COL24A1: variants seen among roughly 807,000 people sequenced by gnomAD.
COL24A1 encodes collagen type XXIV alpha 1 chain.
Under a neutral mutation model 253.9 loss-of-function variants are expected in COL24A1, and 224 were observed. The ratio of observed to expected loss-of-function variants is 0.88; its 90% CI spans 0.79 to 0.99. COL24A1 has a LOEUF of 0.99. Ranked by LOEUF, COL24A1 falls within the 50% of genes least tolerant of loss-of-function variation. COL24A1 has a pLI of 0.00. For synonymous variants in COL24A1, 685 were observed against 673.7 expected (o/e 1.02, Z -0.26); for missense variants, 2,131 against 2,068.5 (o/e 1.03, Z -0.59).
chr1:86,052,184 T>C (rs1700361093), intron 10 of COL24A1, among the ~76,000 whole-genome samples: 1 of 152,110 alleles, frequency 6.6e-6, no homozygotes, highest in Non-Finnish European at 1.5e-5. Context: ...AATAAAGGTT[T>C]CTTATTTTGA....
intron 7 of COL24A1, among the ~76,000 whole-genome samples, chr1:86,064,251 CAA>C (rs970922104): frequency 2.6e-5 from 4 of 152,010 alleles, no homozygotes; most frequent in Non-Finnish European, 5.9e-5. Context: ...TGAGGTAACT[CAA>C]AAAATCATGA....
At chr1:86,028,049 C>T (rs184402759) in intron 14 of COL24A1, among the ~76,000 whole-genome samples, 10 of 152,206 alleles carry the variant, frequency 6.6e-5, no homozygotes, top group Admixed American at 6.5e-4. Context: ...TTGTTTTGGC[C>T]AATATCTCCT....
In COL24A1 at chr1:86,055,342, C is replaced by T. The variant is rs1571762851; in HGVS notation, c.1851+2589G>A. Among the ~76,000 whole-genome samples the T allele has an allele frequency of 2.6e-5, 4 of 152,254 alleles. No individual in the cohort carries two copies. In the East Asian group the frequency reaches 7.7e-4, roughly 29 times the overall value. The stretch of plus-strand genomic sequence containing the variant: ...ACCCTTTATGAATGTGAAATTCCCT[C>T]CTTATTCCAATCACACTCCCAAGTG... On this transcript the variant is annotated intron_variant, in intron 10 of 59. Transcript: ENST00000370571.
intron 37 of COL24A1, among the ~76,000 whole-genome samples, chr1:85,858,086 A>T (rs1267085391): frequency 6.6e-6 from 1 of 152,168 alleles, no homozygotes; most frequent in Non-Finnish European, 1.5e-5. Flanking sequence ...ATTATTCACT[A>T]TCACTGTGTT....
chr1:86,003,975 T>A (rs1695689093), intron 19 of COL24A1, among the ~76,000 whole-genome samples: 1 of 152,128 alleles, frequency 6.6e-6, no homozygotes, highest in East Asian at 1.9e-4. Context: ...CTTTGGTCAC[T>A]CCCAGATTGG....
chr1:85,903,173 G>C (rs1157920371), intron 28 of COL24A1, among the ~76,000 whole-genome samples: 2 of 152,168 alleles, frequency 1.3e-5, no homozygotes, highest in African/African-American at 4.8e-5. Flanking sequence ...CCACAGTGAT[G>C]ATAACCACAT....
At chr1:85,891,217 ATTTTTTTTTT>A (rs138122213) in intron 31 of COL24A1, among the ~76,000 whole-genome samples, 1 of 127,108 alleles carries the variant, frequency 7.9e-6, no homozygotes, top group Non-Finnish European at 1.7e-5. Flanking sequence ...CGCCCGGCTA[ATTTTTTTTTT>A]TTTTTTTTTT....
At chr1:86,019,664 C>A (rs1383033961) in intron 18 of COL24A1, among the ~76,000 whole-genome samples, 1 of 151,972 alleles carries the variant, frequency 6.6e-6, no homozygotes, top group African/African-American at 2.4e-5. Context: ...GAATGCTTAT[C>A]TTATCTTCGG....
chr1:85,890,285 G>A (rs1353443725), intron 31 of COL24A1, among the ~76,000 whole-genome samples: 1 of 152,014 alleles, frequency 6.6e-6, no homozygotes, highest in Non-Finnish European at 1.5e-5. Context: ...TAGATCATAT[G>A]GTAATTCTCT....
intron 27 of COL24A1, 130 bp from the exon 28 acceptor site, chr1:85,907,377 A>C: frequency 1.5e-6 from 1 of 688,512 alleles, no homozygotes; most frequent in Non-Finnish European, 2.4e-6. Flanking sequence ...TTCCTTAAAA[A>C]TATGCTTTAA....
At position 85,847,739 on chromosome 1, in the gene COL24A1, C is replaced by A. The variant is rs756403271; in HGVS notation, c.3388G>T (p.Val1130Phe). The change falls in exon 39 of 60, where the codon GTT becomes TTT. Residue 1130 changes from valine to phenylalanine, a missense_variant. Physicochemically the swap from Val to Phe is conservative, Grantham distance 50 (BLOSUM62 -1). Coordinates refer to ENST00000370571, the MANE Select transcript of COL24A1 (RefSeq NM_152890.7). ...DKGQIGPTGE[V>F]GSRGPPGKIG... ...TTTCCAGGAGGACCTCTGCTTCCAA[C>A]TTCTCCTGTGGGTCCTATTTGTCCT... 5.6e-6 allele frequency: 9 copies of A among 1,613,924 alleles called. No homozygotes were observed. Among genetic ancestry groups the A allele is most frequent in the Non-Finnish European group, 5.9e-6 (7 of 1,179,880 alleles).
intron 45 of COL24A1, 54 bp from the exon 46 acceptor site, chr1:85,818,141 A>C (rs1673238950): frequency 6.9e-7 from 1 of 1,456,016 alleles, no homozygotes; most frequent in Non-Finnish European, 9.6e-7. Flanking sequence ...ACTTAAACTG[A>C]AGCCATAGAA....
intron 41 of COL24A1, among the ~76,000 whole-genome samples, chr1:85,841,768 A>G (rs1041445559): frequency 6.6e-6 from 1 of 152,118 alleles, no homozygotes; most frequent in African/African-American, 2.4e-5. Flanking sequence ...ACTATAATTA[A>G]TCATTTAATC....
In COL24A1 at chr1:85,905,568, T is replaced by C. The variant is rs139459036; in HGVS notation, c.2778+1626A>G. Among the ~76,000 whole-genome samples the C allele has an allele frequency of 4.4e-3, 666 of 152,190 alleles. 6 individuals are homozygous for C. Among genetic ancestry groups the C allele is most frequent in the African/African-American group, 0.015 (618 of 41,538 alleles). On this transcript the variant is annotated intron_variant, in intron 28 of 59. Coordinates refer to ENST00000370571, the MANE Select transcript of COL24A1 (RefSeq NM_152890.7). ...TTTAAAGCCCTTGTTTCTAAACAAATCTTCCTTGTCTGGATACTGGGTAAA... is the reference window on the plus strand; with the variant it reads ...TTTAAAGCCCTTGTTTCTAAACAAACCTTCCTTGTCTGGATACTGGGTAAA...
At chr1:85,963,489 G>A (rs74777547) in intron 23 of COL24A1, among the ~76,000 whole-genome samples, 2,307 of 152,208 alleles carry the variant, frequency 0.015, 50 homozygotes, top group African/African-American at 0.053. Flanking sequence ...TCTTACTTTA[G>A]TTTTCAGAAT....
At chr1:85,851,235 C>T (rs1230245032) in intron 37 of COL24A1, among the ~76,000 whole-genome samples, 1 of 151,758 alleles carries the variant, frequency 6.6e-6, no homozygotes, top group Non-Finnish European at 1.5e-5. Flanking sequence ...ATGTGTTCTC[C>T]TGAAACTTCT....
chr1:85,907,723 A>G (rs1684975368), intron 27 of COL24A1, among the ~76,000 whole-genome samples: 1 of 151,860 alleles, frequency 6.6e-6, no homozygotes, highest in South Asian at 2.1e-4. Context: ...CTATGCTATA[A>G]AAATAGCCTG....
chr1:86,048,168 C>T (rs1294489669), intron 11 of COL24A1, among the ~76,000 whole-genome samples: 1 of 151,948 alleles, frequency 6.6e-6, no homozygotes, highest in Non-Finnish European at 1.5e-5. Context: ...ATTATATAAG[C>T]ATTTTTCATA....
intron 37 of COL24A1, among the ~76,000 whole-genome samples, chr1:85,859,986 C>A (rs1678954135): frequency 6.6e-6 from 1 of 152,014 alleles, no homozygotes; most frequent in African/African-American, 2.4e-5. Flanking sequence ...TTATATATGT[C>A]ATTTATCTAT....
Sources: allele counts gnomAD v4.1 joint callset (sites outside exome capture counted in the v4.1 genomes callset), GRCh38; gene constraint gnomAD v4.1.1; transcripts MANE v1.5; gene names NCBI Gene and HGNC (gene_info 2026-07-23, HGNC 2026-07-21).